Variants in SUPT16H observed in about 807,000 individuals in gnomAD.
The protein encoded by SUPT16H is SPT16 homolog, facilitates chromatin remodeling subunit.
Under a neutral mutation model 136.2 loss-of-function variants are expected in SUPT16H, and 24 were observed. The ratio of observed to expected loss-of-function variants is 0.18; its 90% confidence interval spans 0.13 to 0.25. The LOEUF (loss-of-function observed/expected upper bound fraction) is 0.25, where lower values mean the gene tolerates loss of function less well. Among genes scored for constraint, SUPT16H ranks in the 10% least tolerant of loss-of-function variants. The probability of loss-of-function intolerance (pLI) is 1.00; values close to 1 mark genes in which losing one functional copy is unlikely to be tolerated. For missense variants in SUPT16H, 623 were observed against 1,270.2 expected, an observed-to-expected ratio of 0.49 and a Z score of 7.74; for synonymous variants, 415 against 428.2, an observed-to-expected ratio of 0.97 and a Z score of 0.38.
intron 3 of SUPT16H, 43 bp downstream of exon 3, chr14:21,371,831 A>G (rs780125526): frequency 3.1e-6 from 5 of 1,605,726 alleles, no homozygotes; most frequent in Non-Finnish European, 4.2e-6. Context: ...ATCCCTTTTG[A>G]AGATTCTTCC....
intron 1 of SUPT16H, among the ~76,000 whole-genome samples, chr14:21,379,162 G>A (rs949629578): frequency 6.6e-6 from 1 of 152,142 alleles, no homozygotes; most frequent in Non-Finnish European, 1.5e-5. Context: ...AGGGCTGGGT[G>A]TGATGGCTCA....
chr14:21,369,883 G>A lies in SUPT16H; in HGVS notation c.497C>T (p.Ala166Val). The A allele has an allele frequency of 6.2e-7, 1 of 1,614,050 alleles. No homozygotes were observed. The highest frequency in any genetic ancestry group is 8.5e-7 in the Non-Finnish European group (1 of 1,179,984). ...KEGFDKIDIS[A>V]VVAYTIAVKE... ...TACAGCGATGGTATATGCCACAACT[G>A]CACTGATATCTATCTGCAGTCAAAG... The change falls in exon 5 of 26, where the codon GCA becomes GTA. Residue 166 changes from alanine to valine, a missense_variant. Physicochemically the swap from Ala to Val is moderately conservative, Grantham distance 64. Around this residue, in one of 7 missense-constraint regions of SUPT16H, gnomAD observed 343 missense variants for 525.7 expected, o/e 0.65. Coordinates refer to ENST00000216297, the MANE Select transcript of SUPT16H (RefSeq NM_007192.4).
At chr14:21,372,696 A>G (rs1275301409) in intron 2 of SUPT16H, 1 of 453,862 alleles carries the variant, frequency 2.2e-6, no homozygotes, top group Non-Finnish European at 4.4e-6. Context: ...AGAGAACTGG[A>G]AAAAGCCTGG....
chr14:21,365,119 A>T lies in SUPT16H; in HGVS notation c.1071T>A (p.Arg357=). 6.2e-7 allele frequency: 1 copy of T among 1,613,870 alleles called. No individual in the cohort carries two copies. The highest frequency in any genetic ancestry group is 8.5e-7 in the Non-Finnish European group (1 of 1,179,884). ...TGCTATTGATTACTAGGGAGCCTTC[A>T]CGGAATTCAATTCCCATCCCAAACC... ...NLGFGMGIEF[R]EGSLVINSKN... The change falls in exon 9 of 26, where the codon CGT becomes CGA. Residue 357 remains arginine, a synonymous_variant. Transcript: ENST00000216297.
intron 10 of SUPT16H, among the ~76,000 whole-genome samples, chr14:21,364,581 T>C (rs1886625429): frequency 6.6e-6 from 1 of 152,212 alleles, no homozygotes; most frequent in Non-Finnish European, 1.5e-5. Context: ...GGTTTCATTA[T>C]TAGTATTAGT....
chr14:21,383,663 G>T, intron 1 of SUPT16H, 199 bp downstream of exon 1: 2 of 721,038 alleles, frequency 2.8e-6, no homozygotes, highest in South Asian at 1.5e-5. Flanking sequence ...ATGGCCGCAG[G>T]ACAGGGTGAA....
intron 3 of SUPT16H, among the ~76,000 whole-genome samples, chr14:21,371,660 C>T (rs921932607): frequency 6.6e-6 from 1 of 152,164 alleles, no homozygotes; most frequent in Non-Finnish European, 1.5e-5. Context: ...TCAGTGTTCA[C>T]CAGAATTTCA....
At chr14:21,376,815 G>GT (rs1358156609) in intron 1 of SUPT16H, among the ~76,000 whole-genome samples, 2 of 152,126 alleles carry the variant, frequency 1.3e-5, no homozygotes, top group African/African-American at 4.8e-5. Context: ...GAAATAAGAA[G>GT]TTATAAATAA....
intron 1 of SUPT16H, among the ~76,000 whole-genome samples, chr14:21,376,812 G>T (rs1313310406): frequency 6.6e-6 from 1 of 152,162 alleles, no homozygotes; most frequent in Non-Finnish European, 1.5e-5. Context: ...AAAGAAATAA[G>T]AAGTTATAAA....
chr14:21,369,703 T>C (rs766457428), intron 5 of SUPT16H, 47 bp downstream of exon 5: 7 of 1,609,358 alleles, frequency 4.3e-6, no homozygotes, highest in African/African-American at 1.3e-5. Flanking sequence ...GGTAGACTTA[T>C]TACTGCTTCA....
At chr14:21,373,236 G>A (rs368932014) in intron 2 of SUPT16H, 102 bp downstream of exon 2, 12 of 967,396 alleles carry the variant, frequency 1.2e-5, no homozygotes, top group East Asian at 7.5e-5. Flanking sequence ...ATGAGCCACC[G>A]CAGCCAGCCA....
intron 1 of SUPT16H, chr14:21,383,100 T>G (rs934507533): frequency 2.6e-5 from 4 of 152,860 alleles, no homozygotes; most frequent in African/African-American, 4.8e-5. Context: ...GCTCAATTAG[T>G]AAGTTAACAT....
intron 22 of SUPT16H, 196 bp from the exon 23 acceptor site, chr14:21,354,736 C>A: frequency 2.1e-6 from 1 of 481,140 alleles, no homozygotes; most frequent in Non-Finnish European, 3.5e-6. Context: ...GGATTACAGG[C>A]GCATGCCACC....
Position 21,383,904 on chromosome 14 carries a change from G to C in SUPT16H, c.24C>G (p.Asp8Glu). 6.2e-7 allele frequency: 1 copy of C among 1,612,958 alleles called. No homozygotes were observed. Among genetic ancestry groups the C allele is most frequent in the Non-Finnish European group, 8.5e-7 (1 of 1,180,022 alleles). The change falls in exon 1 of 26, where the codon GAC becomes GAG. Residue 8 changes from aspartate to glutamate, a missense_variant. Transcript: ENST00000216297. MAVTLDK[D>E]AYYRRVKRLY... ...GTCTCTTCACTCGCCGATAATAAGC[G>C]TCTTTGTCCAGAGTCACAGCCATAG...
chr14:21,363,647 C>G (rs1271136364), intron 10 of SUPT16H, 144 bp from the exon 11 acceptor site: 8 of 702,392 alleles, frequency 1.1e-5, no homozygotes, highest in African/African-American at 7.2e-5. Context: ...TCCTTCTAAC[C>G]TCTAACCTCT....
At chr14:21,360,798 A>C (rs754712916) in intron 17 of SUPT16H, 48 bp downstream of exon 17, 1 of 1,577,254 alleles carries the variant, frequency 6.3e-7, no homozygotes, top group South Asian at 1.2e-5. Context: ...CATTCCTAAC[A>C]AATGTGCCCT....
At position 21,375,036 on chromosome 14, in the gene SUPT16H, CAG is replaced by C. The variant is rs1472791055; in HGVS notation, c.67-1608_67-1607del. On this transcript the variant is annotated intron_variant, in intron 1 of 25. Transcript: ENST00000216297. ...TCCTGCTTTTTTTTTTCTTTTGAGACAGAGTCTCGCTCTATCACCCAGGCTGG... is the reference window on the plus strand; with the variant it reads ...TCCTGCTTTTTTTTTTCTTTTGAGACAGTCTCGCTCTATCACCCAGGCTGG... 7.2e-5 allele frequency among the ~76,000 whole-genome samples: 11 copies of C among 151,732 alleles called. No individual in the cohort carries two copies. The East Asian group carries it at 1.2e-3, about 16-fold the overall frequency.
rs1420104607 is a variant in SUPT16H at position 21,354,714 on chromosome 14, C to G, written c.2661-174G>C. On this transcript the variant is annotated intron_variant, in intron 22 of 25. Coordinates refer to ENST00000216297, the MANE Select transcript of SUPT16H (RefSeq NM_007192.4). ...TCAAGTGATTCTCCTGCCTCAGCCT[C>G]CCGAGTATCTGGGATTACAGGCGCA... 4.8e-6 allele frequency: 3 copies of G among 627,992 alleles called. No individual in the cohort carries two copies. In the South Asian group the frequency reaches 6.8e-5, roughly 14 times the overall value. 38.9% of individuals were successfully genotyped at this position (627,992 alleles called of 1,614,324 possible). A position where few individuals can be genotyped will look rare whatever the true frequency, so the allele number is the denominator to read the frequency against.
chr14:21,371,699 T>C (rs770417993), intron 3 of SUPT16H, among the ~76,000 whole-genome samples, 175 bp downstream of exon 3: 3 of 152,224 alleles, frequency 2.0e-5, no homozygotes, highest in Non-Finnish European at 4.4e-5. Context: ...GCAGAACTGA[T>C]AGGATTATTG....
Sources: allele counts gnomAD v4.1 joint callset (sites outside exome capture counted in the v4.1 genomes callset), GRCh38; gene constraint gnomAD v4.1.1; regional missense constraint gnomAD v4.1.1; transcripts MANE v1.5; gene names NCBI Gene and HGNC (gene_info 2026-07-23, HGNC 2026-07-21).